TNKS2: variants seen among roughly 807,000 people sequenced by gnomAD.
The protein encoded by TNKS2 is tankyrase 2, also known as poly [ADP-ribose] polymerase tankyrase-2.
A neutral mutation model predicts 137.6 loss-of-function variants in TNKS2; 72 were observed. The ratio of observed to expected loss-of-function variants is 0.52; its 90% CI spans 0.43 to 0.64. The LOEUF (loss-of-function observed/expected upper bound fraction) is 0.64. TNKS2 is among the 30% of genes least tolerant of loss of function. The pLI is 0.00. For synonymous variants in TNKS2, 516 were observed against 512.1 expected (o/e 1.01, Z -0.10); for missense variants, 1,049 against 1,410.2 (o/e 0.74, Z 4.10).
intron 13 of TNKS2, among the ~76,000 whole-genome samples, chr10:91,837,324 G>A (rs1337058018): frequency 2.0e-5 from 3 of 152,030 alleles, no homozygotes; most frequent in African/African-American, 4.8e-5. Flanking sequence ...TACTGTTTAC[G>A]TATGACACAT....
chr10:91,861,889 A>G (rs1842862224), intron 25 of TNKS2, 110 bp from the exon 26 acceptor site: 9 of 938,614 alleles, frequency 9.6e-6, no homozygotes, highest in South Asian at 6.8e-5. Flanking sequence ...AAAAACAATT[A>G]TAAGTATTTA....
In TNKS2 at chr10:91,843,980, C is replaced by A. The variant is rs17107145; in HGVS notation, c.2060-939C>A. Among the ~76,000 whole-genome samples the A allele has an allele frequency of 9.6e-3, 1,463 of 152,308 alleles. 23 individuals carry two copies. The highest frequency in any genetic ancestry group is 0.033 in the African/African-American group (1,388 of 41,568). ...GGAAGTGATAAGCCACAAATGCTAA[C>A]ATGGTGAGAAAAAGCTTTACTTCCA... On this transcript the variant is annotated intron_variant, in intron 16 of 26. Coordinates refer to ENST00000371627, the MANE Select transcript of TNKS2 (RefSeq NM_025235.4).
rs1401643337 is a variant in TNKS2 at position 91,859,743 on chromosome 10, A to G, written c.3281+95A>G. On this transcript the variant is annotated intron_variant, in intron 25 of 26. Transcript: ENST00000371627. ...AAGCATTATGTTGGACAGTCTTAGG[A>G]ATGCAAGCTAGGCATGTTTTAGATT... The G allele has an allele frequency of 4.1e-6, 4 of 966,434 alleles. No homozygotes were observed. The African/African-American group carries it at 6.7e-5, about 16-fold the overall frequency. 59.9% of individuals were successfully genotyped at this position (966,434 alleles called of 1,614,324 possible). A position where few individuals can be genotyped will look rare whatever the true frequency, so the allele number is the denominator to read the frequency against.
chr10:91,817,132 A>C lies in TNKS2; in HGVS notation c.425-2A>C. The C allele has an allele frequency of 3.1e-6, 5 of 1,607,810 alleles. No individual in the cohort carries two copies. Among genetic ancestry groups the C allele is most frequent in the Non-Finnish European group, 4.3e-6 (5 of 1,175,272 alleles). Reference sequence around the variant, plus strand: ...CTTCAAAATAGTGTTGCTATTTTGCAGTGCTGTTACAGCATGGAGCTGAGC... The same window carrying C: ...CTTCAAAATAGTGTTGCTATTTTGCCGTGCTGTTACAGCATGGAGCTGAGC... On this transcript the variant is annotated splice_acceptor_variant, in intron 2 of 26. Coordinates refer to ENST00000371627, the MANE Select transcript of TNKS2 (RefSeq NM_025235.4). LOFTEE classifies it high-confidence loss of function.
In TNKS2 at chr10:91,865,194, A is replaced by G. The variant is rs569283183; in HGVS notation, c.*2195A>G. On this transcript the variant is annotated 3_prime_UTR_variant, in exon 27 of 27. Transcript: ENST00000371627. ...TTTAACTTTTTGTGCAAGTAGTACT[A>G]TTATACCCATCTTCAGTGTCTTACT... is the stretch of plus-strand genomic sequence containing the variant. The G allele has an allele frequency of 8.5e-5, 13 of 152,424 alleles. No individual in the cohort carries two copies. In the South Asian group the frequency reaches 1.2e-3, roughly 15 times the overall value. 9.4% of individuals were successfully genotyped at this position (152,424 alleles called of 1,614,324 possible).
chr10:91,798,647 T>C lies in TNKS2; in HGVS notation c.-44T>C. On this transcript the variant is annotated 5_prime_UTR_variant, in exon 1 of 27. Coordinates refer to ENST00000371627, the MANE Select transcript of TNKS2 (RefSeq NM_025235.4). ...CTGCTCGCGGGGCCGGGGCTCCTGC[T>C]CCGGTTGCTGGCGCTGTTGCTGGCT... is the stretch of plus-strand genomic sequence containing the variant. The C allele has an allele frequency of 8.2e-7, 1 of 1,216,186 alleles. No individual in the cohort carries two copies. The highest frequency in any genetic ancestry group is 1.0e-6 in the Non-Finnish European group (1 of 977,284). 75.3% of individuals were successfully genotyped at this position (1,216,186 alleles called of 1,614,324 possible).
intron 18 of TNKS2, 58 bp from the exon 19 acceptor site, chr10:91,848,325 G>A (rs1842443364): frequency 5.2e-6 from 8 of 1,551,594 alleles, no homozygotes; most frequent in Non-Finnish European, 7.0e-6. Flanking sequence ...ATTTTATTAG[G>A]TATAATAGCA....
chr10:91,826,289 T>G (rs982887001), intron 7 of TNKS2, among the ~76,000 whole-genome samples: 5 of 152,218 alleles, frequency 3.3e-5, no homozygotes, highest in Non-Finnish European at 5.9e-5. Context: ...TTCAAAAGTT[T>G]TGGATTTTGG....
At position 91,807,721 on chromosome 10, in the gene TNKS2, G is replaced by A. The variant is rs1271725850; in HGVS notation, c.200-5262G>A. Among the ~76,000 whole-genome samples, 6 of 152,164 alleles carry A rather than the reference G, an allele frequency of 3.9e-5. No homozygotes were observed. In the East Asian group the frequency reaches 1.2e-3, roughly 29 times the overall value. On this transcript the variant is annotated intron_variant, in intron 1 of 26. Coordinates refer to ENST00000371627, the MANE Select transcript of TNKS2 (RefSeq NM_025235.4). ...ACTAAGAGTCTAGAAAATGCCGGGC[G>A]CAGTGGCTCATGCCTGTAATCCCAG... is the stretch of plus-strand genomic sequence containing the variant.
intron 18 of TNKS2, among the ~76,000 whole-genome samples, chr10:91,847,411 CTG>C (rs1478965371): frequency 6.6e-6 from 1 of 152,114 alleles, no homozygotes; most frequent in African/African-American, 2.4e-5. Flanking sequence ...GTCACCCAGA[CTG>C]TAGTGCAGTG....
At chr10:91,827,337 GC>G (rs1845100839) in intron 8 of TNKS2, 134 bp downstream of exon 8, 1 of 677,396 alleles carries the variant, frequency 1.5e-6, no homozygotes. Flanking sequence ...CTGTTGTTTA[GC>G]ATATTTAATA....
Position 91,848,732 on chromosome 10 carries a change from G to A in TNKS2, c.2611+97G>A, listed in dbSNP as rs1296849338. 14 of 1,389,122 alleles carry A rather than the reference G, an allele frequency of 1.0e-5. No homozygotes were observed. The East Asian group carries it at 3.2e-4, about 32-fold the overall frequency. 86.0% of individuals were successfully genotyped at this position (1,389,122 alleles called of 1,614,324 possible). ...AGTCATTTTTAACCTTAAATACAAG[G>A]TATTAGTATAAAATTAGTTAACATA... On this transcript the variant is annotated intron_variant, in intron 19 of 26. Coordinates refer to ENST00000371627, the MANE Select transcript of TNKS2 (RefSeq NM_025235.4).
At chr10:91,862,356 A>G (rs1191308269) in intron 26 of TNKS2, among the ~76,000 whole-genome samples, 1 of 152,104 alleles carries the variant, frequency 6.6e-6, no homozygotes, top group Non-Finnish European at 1.5e-5. Context: ...CCTAAATGTT[A>G]ATATTTTGTT....
intron 13 of TNKS2, among the ~76,000 whole-genome samples, chr10:91,837,935 A>G (rs990088321): frequency 6.7e-6 from 1 of 150,016 alleles, no homozygotes; most frequent in Non-Finnish European, 1.5e-5. Flanking sequence ...TTTTGTTTCT[A>G]TTACTACTGA....
intron 18 of TNKS2, among the ~76,000 whole-genome samples, chr10:91,847,333 T>C (rs1228751266): frequency 6.6e-6 from 1 of 152,144 alleles, no homozygotes; most frequent in East Asian, 1.9e-4. Flanking sequence ...TGAGGACTTT[T>C]TTCCATTCTA....
intron 1 of TNKS2, among the ~76,000 whole-genome samples, chr10:91,811,592 A>G (rs888912547): frequency 6.6e-6 from 1 of 152,162 alleles, no homozygotes; most frequent in African/African-American, 2.4e-5. Flanking sequence ...AGAGCCCAGC[A>G]ATGTTAAAAC....
At chr10:91,852,686 C>G (rs1376432737) in intron 21 of TNKS2, among the ~76,000 whole-genome samples, 1 of 152,152 alleles carries the variant, frequency 6.6e-6, no homozygotes, top group Non-Finnish European at 1.5e-5. Context: ...TGGCTGTACA[C>G]CTGGGGTTAA....
At position 91,865,225 on chromosome 10, in the gene TNKS2, T is replaced by C. The variant is rs1460969584; in HGVS notation, c.*2226T>C. The C allele has an allele frequency of 2.0e-5, 3 of 152,636 alleles. No homozygotes were observed. The highest frequency in any genetic ancestry group is 7.2e-5 in the African/African-American group (3 of 41,460). The allele number at this position is 152,636 out of a possible 1,614,324, so 9.5% of individuals were successfully genotyped here. On this transcript the variant is annotated 3_prime_UTR_variant, in exon 27 of 27. Transcript: ENST00000371627. ...CCCATCTTCAGTGTCTTACTTGTAC[T>C]GTATCACATTCCATACCCTCATTTA...
At chr10:91,845,971 T>G in intron 18 of TNKS2, 31 bp downstream of exon 18, 1 of 1,479,676 alleles carries the variant, frequency 6.8e-7, no homozygotes, top group East Asian at 2.3e-5. Flanking sequence ...AAAATCTCAG[T>G]GCTTTTCTGA....
Sources: gnomAD v4.1 joint callset for allele counts (sites outside exome capture counted in the v4.1 genomes callset) on GRCh38, gnomAD v4.1.1 for gene constraint, MANE v1.5 for transcripts, NCBI Gene and HGNC (gene_info 2026-07-23, HGNC 2026-07-21) for gene names.